Variants in RBFOX1 observed in about 807,000 individuals in gnomAD.
RBFOX1 encodes RNA binding protein fox-1 homolog 1.
RBFOX1 carries 8 observed loss-of-function variants against 57.7 expected under a neutral mutation model. The ratio of observed to expected loss-of-function variants is 0.14; its 90% CI spans 0.08 to 0.25. The LOEUF is 0.25. Ranked by LOEUF, RBFOX1 falls within the 10% of genes least tolerant of loss-of-function variation. The pLI, the probability that RBFOX1 is intolerant of heterozygous loss-of-function variation, is 1.00. For missense variants in RBFOX1, 611 were observed against 548.5 expected (o/e 1.11, Z -1.14); for synonymous variants, 326 against 222.4 (o/e 1.47, Z -4.15).
At chr16:6,430,249 G>A (rs2094041735) in intron 2 of RBFOX1, among the ~76,000 whole-genome samples, 1 of 152,178 alleles carries the variant, frequency 6.6e-6, no homozygotes, top group Non-Finnish European at 1.5e-5. Flanking sequence ...TCTCAACGTT[G>A]TGCTGGGCAC....
chr16:5,867,429 C>T, intron 4 of RBFOX1: 5 of 867,188 alleles, frequency 5.8e-6, no homozygotes, highest in Middle Eastern at 3.9e-4. Context: ...AATGATTCTT[C>T]CGTGTTTCAT....
chr16:5,532,675 G>T (rs147489972), intron 2 of RBFOX1, among the ~76,000 whole-genome samples: 1 of 152,350 alleles, frequency 6.6e-6, no homozygotes, highest in Non-Finnish European at 1.5e-5. Context: ...ATTTTTCAAT[G>T]CTGTGCTCTG....
At chr16:5,796,163 A>T (rs1250262735) in intron 3 of RBFOX1, among the ~76,000 whole-genome samples, 1 of 152,214 alleles carries the variant, frequency 6.6e-6, no homozygotes, top group Non-Finnish European at 1.5e-5. Flanking sequence ...GACTGGGCTC[A>T]GGAATAGTAA....
intron 3 of RBFOX1, among the ~76,000 whole-genome samples, chr16:7,010,722 G>T (rs1272955468): frequency 6.6e-6 from 1 of 151,950 alleles, no homozygotes; most frequent in African/African-American, 2.4e-5. Flanking sequence ...TGCCACCACT[G>T]CCCGGCTGAT....
chr16:5,362,187 G>A (rs1452304219), intron 1 of RBFOX1, among the ~76,000 whole-genome samples: 1 of 151,960 alleles, frequency 6.6e-6, no homozygotes, highest in East Asian at 1.9e-4. Context: ...CTCAACTTGT[G>A]TCACTGAAAC....
At chr16:7,530,046 C>T (rs948497248) in intron 5 of RBFOX1, among the ~76,000 whole-genome samples, 8 of 150,862 alleles carry the variant, frequency 5.3e-5, no homozygotes, top group Non-Finnish European at 1.0e-4. Flanking sequence ...AACCTGAACC[C>T]TTTAAGGGAG....
At chr16:5,964,487 C>G (rs2059806829) in intron 4 of RBFOX1, among the ~76,000 whole-genome samples, 1 of 151,950 alleles carries the variant, frequency 6.6e-6, no homozygotes, top group Admixed American at 6.6e-5. Flanking sequence ...ATGAAATGAC[C>G]TAAGAGTCCA....
chr16:7,148,059 A>G (rs1276537516), intron 4 of RBFOX1, among the ~76,000 whole-genome samples: 2 of 152,226 alleles, frequency 1.3e-5, no homozygotes, highest in African/African-American at 4.8e-5. Context: ...TCTCTTTAGC[A>G]GAACACTCAA....
chr16:5,893,359 C>T (rs1163834204), intron 4 of RBFOX1, among the ~76,000 whole-genome samples: 1 of 152,142 alleles, frequency 6.6e-6, no homozygotes, highest in African/African-American at 2.4e-5. Context: ...GCTAGCATAA[C>T]AGGGAGACTA....
At chr16:5,793,320 T>C (rs2054767753) in intron 3 of RBFOX1, among the ~76,000 whole-genome samples, 1 of 152,244 alleles carries the variant, frequency 6.6e-6, no homozygotes, top group Non-Finnish European at 1.5e-5. Flanking sequence ...ACCGTGTTTG[T>C]TTCTGTCTTT....
chr16:7,210,489 G>T (rs72636225), intron 4 of RBFOX1, among the ~76,000 whole-genome samples: 31,563 of 152,026 alleles, frequency 0.21, 3,477 homozygotes, highest in East Asian at 0.37. Context: ...TCAATGTTAG[G>T]TGTTATTCAT....
intron 4 of RBFOX1, among the ~76,000 whole-genome samples, chr16:7,450,131 C>G (rs979003109): frequency 6.6e-6 from 1 of 152,074 alleles, no homozygotes; most frequent in Non-Finnish European, 1.5e-5. Context: ...TGCGGTGGCT[C>G]ATGCCTGTAA....
chr16:6,855,817 TCCTCCTTCCCTC>T (rs956007132), intron 3 of RBFOX1, among the ~76,000 whole-genome samples: 5 of 112,952 alleles, frequency 4.4e-5, no homozygotes, highest in Admixed American at 9.1e-5. Context: ...TTCCCTTCCT[TCCTCCTTCCCTC>T]CCTCCTTCCC....
chr16:6,155,787 G>GT lies in RBFOX1; in HGVS notation c.-127+135804dup, dbSNP rs367570235. On this transcript the variant is annotated intron_variant, in intron 1 of 15. Coordinates refer to ENST00000550418, the MANE Select transcript of RBFOX1 (RefSeq NM_018723.4). ...CCATGTGGGACTCTGCTGTGGCAAT[G>GT]TTTTTTTTTGGAACTCACTTATTTT... 1.5e-3 allele frequency among the ~76,000 whole-genome samples: 224 copies of GT among 151,298 alleles called. 1 individual carries two copies. In the East Asian group the frequency reaches 0.022, roughly 15 times the overall value.
chr16:6,847,534 T>G (rs1173712775), intron 3 of RBFOX1, among the ~76,000 whole-genome samples: 1 of 152,128 alleles, frequency 6.6e-6, no homozygotes, highest in East Asian at 1.9e-4. Flanking sequence ...ACGCAACTGA[T>G]GGCACAGTCA....
At chr16:6,818,601 A>T (rs8055060) in intron 3 of RBFOX1, among the ~76,000 whole-genome samples, 42,996 of 152,036 alleles carry the variant, frequency 0.28, 6,928 homozygotes, top group African/African-American at 0.44. Context: ...TTTAACCTCT[A>T]GTAGGGCATG....
chr16:6,606,210 G>A (rs375024316), intron 2 of RBFOX1, among the ~76,000 whole-genome samples: 5 of 152,084 alleles, frequency 3.3e-5, no homozygotes, highest in African/African-American at 9.7e-5. Context: ...ACAGGTAATC[G>A]GAGGCTAAAA....
intron 2 of RBFOX1, among the ~76,000 whole-genome samples, chr16:6,433,813 C>G (rs1203260880): frequency 6.6e-6 from 1 of 151,178 alleles, no homozygotes; most frequent in Admixed American, 6.6e-5. Context: ...ATCACACCTC[C>G]TTTTCCTCTA....
chr16:6,353,813 T>A (rs2086816439), intron 2 of RBFOX1, among the ~76,000 whole-genome samples: 1 of 152,158 alleles, frequency 6.6e-6, no homozygotes, highest in African/African-American at 2.4e-5. Flanking sequence ...TGCCCCTGTC[T>A]CTTAAGGCAC....
Sources: gnomAD v4.1 joint callset for allele counts (sites outside exome capture counted in the v4.1 genomes callset) on GRCh38, gnomAD v4.1.1 for gene constraint, MANE v1.5 for transcripts, NCBI Gene and HGNC (gene_info 2026-07-23, HGNC 2026-07-21) for gene names.